Variants in CCDC91 observed in about 807,000 individuals in gnomAD.
The protein encoded by CCDC91 is coiled-coil domain-containing protein 91.
In CCDC91, 48 loss-of-function variants were observed where a neutral mutation model predicts 63.2. The observed-to-expected ratio is 0.76, with a 90% confidence interval of 0.60 to 0.97. The LOEUF is 0.97. Ranked by LOEUF, CCDC91 falls within the 50% of genes least tolerant of loss-of-function variation. The pLI, the probability that CCDC91 is intolerant of heterozygous loss-of-function variation, is 0.00. For synonymous variants in CCDC91, 167 were observed against 165.8 expected (o/e 1.01, Z -0.06); for missense variants, 500 against 494.6 (o/e 1.01, Z -0.10).
At chr12:28,359,937 T>G (rs1943770091) in intron 6 of CCDC91, among the ~76,000 whole-genome samples, 1 of 152,036 alleles carries the variant, frequency 6.6e-6, no homozygotes, top group African/African-American at 2.4e-5. Flanking sequence ...AAGTGATGAG[T>G]TTTAGTGATG....
intron 6 of CCDC91, among the ~76,000 whole-genome samples, chr12:28,319,013 A>G (rs1480643987): frequency 6.6e-6 from 1 of 151,922 alleles, no homozygotes; most frequent in African/African-American, 2.4e-5. Flanking sequence ...TTTTAATACC[A>G]CCTAATTCAG....
intron 3 of CCDC91, among the ~76,000 whole-genome samples, chr12:28,266,106 A>G (rs1206190865): frequency 1.3e-5 from 2 of 152,064 alleles, no homozygotes; most frequent in African/African-American, 2.4e-5. Flanking sequence ...GATAGCTTCT[A>G]TAAAGCTGTG....
chr12:28,538,098 T>C (rs1942322060), intron 12 of CCDC91, among the ~76,000 whole-genome samples: 1 of 147,334 alleles, frequency 6.8e-6, no homozygotes. Context: ...TTTTTAATTT[T>C]AGGGTTTTTT....
chr12:28,545,138 A>C (rs973815790), intron 12 of CCDC91, among the ~76,000 whole-genome samples: 3 of 152,006 alleles, frequency 2.0e-5, no homozygotes, highest in African/African-American at 7.2e-5. Flanking sequence ...TTTTAACCCC[A>C]TATCAAAAAA....
chr12:28,278,382 GA>G (rs1464764251), intron 3 of CCDC91, among the ~76,000 whole-genome samples: 2 of 151,710 alleles, frequency 1.3e-5, no homozygotes, highest in Non-Finnish European at 2.9e-5. Context: ...TCTTTTAATT[GA>G]AGATATCCAG....
chr12:28,280,769 A>T (rs1184250484), intron 3 of CCDC91, among the ~76,000 whole-genome samples: 1 of 151,548 alleles, frequency 6.6e-6, no homozygotes, highest in African/African-American at 2.4e-5. Flanking sequence ...ACTTGGGGCC[A>T]GGAGCTCAAG....
chr12:28,242,492 A>G (rs1407895670), intron 1 of CCDC91, among the ~76,000 whole-genome samples: 1 of 152,130 alleles, frequency 6.6e-6, no homozygotes, highest in East Asian at 1.9e-4. Flanking sequence ...TACGGATCCC[A>G]CAGAAAAGAG....
chr12:28,520,098 T>C (rs1228748904), intron 12 of CCDC91, among the ~76,000 whole-genome samples: 1 of 152,166 alleles, frequency 6.6e-6, no homozygotes, highest in Non-Finnish European at 1.5e-5. Context: ...AGTAATGGGA[T>C]GGCTGGGTCA....
At chr12:28,305,132 T>C (rs7314238) in intron 3 of CCDC91, among the ~76,000 whole-genome samples, 129 of 152,246 alleles carry the variant, frequency 8.5e-4, no homozygotes, top group African/African-American at 2.9e-3. Flanking sequence ...CCCTTACTTA[T>C]TTTATTGTAA....
chr12:28,469,269 T>G (rs1453819612), intron 11 of CCDC91, among the ~76,000 whole-genome samples: 1 of 151,966 alleles, frequency 6.6e-6, no homozygotes, highest in Non-Finnish European at 1.5e-5. Flanking sequence ...CATACAAAAG[T>G]CAGTAGCATT....
intron 1 of CCDC91, among the ~76,000 whole-genome samples, chr12:28,245,200 C>T (rs1298891429): frequency 6.6e-6 from 1 of 151,924 alleles, no homozygotes; most frequent in Non-Finnish European, 1.5e-5. Context: ...AACAGACCCA[C>T]AGTGTTTATG....
chr12:28,491,409 C>T lies in CCDC91; in HGVS notation c.1215+7244C>T, dbSNP rs192545932. ...TTTGGAAGGAAAGTATAAGAACATA[C>T]TCCTTAACGAATTAAGTGAGGTCAA... is the stretch of plus-strand genomic sequence containing the variant. On this transcript the variant is annotated intron_variant, in intron 12 of 12. Coordinates refer to ENST00000536442, the MANE Select transcript of CCDC91 (RefSeq NM_018318.5). Among the ~76,000 whole-genome samples the T allele has an allele frequency of 4.0e-4, 60 of 151,822 alleles. 1 individual carries two copies. The highest frequency in any genetic ancestry group is 2.2e-3 in the Admixed American group (33 of 15,172).
chr12:28,326,608 T>A (rs1312877318), intron 6 of CCDC91, among the ~76,000 whole-genome samples: 4 of 141,864 alleles, frequency 2.8e-5, no homozygotes, highest in Non-Finnish European at 6.0e-5. Context: ...TGTCCATGTG[T>A]TCTCATTGTT....
intron 3 of CCDC91, among the ~76,000 whole-genome samples, chr12:28,263,712 A>G (rs1382926765): frequency 6.6e-6 from 1 of 151,970 alleles, no homozygotes; most frequent in African/African-American, 2.4e-5. Flanking sequence ...CTTTATGTCT[A>G]TGTTAGTCTG....
chr12:28,360,231 ATGT>A (rs764943647), intron 6 of CCDC91, among the ~76,000 whole-genome samples: 17 of 152,236 alleles, frequency 1.1e-4, no homozygotes, highest in Non-Finnish European at 2.1e-4. Context: ...AAAGAATAAG[ATGT>A]TGATAATGAA....
At chr12:28,541,620 A>G (rs1942636681) in intron 12 of CCDC91, among the ~76,000 whole-genome samples, 1 of 152,108 alleles carries the variant, frequency 6.6e-6, no homozygotes. Flanking sequence ...AGTAACCTAA[A>G]TGATATATTT....
chr12:28,194,107 T>C (rs1332079706), intron 1 of CCDC91, among the ~76,000 whole-genome samples: 4 of 151,070 alleles, frequency 2.6e-5, no homozygotes, highest in African/African-American at 9.8e-5. Flanking sequence ...TCATGAGAAA[T>C]TTTGCCTAAT....
At chr12:28,369,914 G>A (rs1351757936) in intron 7 of CCDC91, among the ~76,000 whole-genome samples, 2 of 152,192 alleles carry the variant, frequency 1.3e-5, no homozygotes, top group African/African-American at 4.8e-5. Context: ...GCCATGTCCA[G>A]AGACTGCATA....
intron 8 of CCDC91, among the ~76,000 whole-genome samples, chr12:28,433,115 T>C (rs1452579879): frequency 4.6e-5 from 7 of 151,992 alleles, no homozygotes; most frequent in Admixed American, 4.6e-4. Context: ...TGGAAAATAG[T>C]CCTTTATCTG....
Sources: allele counts gnomAD v4.1 joint callset (sites outside exome capture counted in the v4.1 genomes callset), GRCh38; gene constraint gnomAD v4.1.1; transcripts MANE v1.5; gene names NCBI Gene and HGNC (gene_info 2026-07-23, HGNC 2026-07-21).